Variants in SDK1 observed in about 807,000 individuals in gnomAD.
SDK1 encodes sidekick cell adhesion molecule 1.
In SDK1, 157 loss-of-function variants were observed where a neutral mutation model predicts 245.5. The ratio of observed to expected loss-of-function variants is 0.64; its 90% CI spans 0.56 to 0.73. The LOEUF (loss-of-function observed/expected upper bound fraction) is 0.73. Ranked by LOEUF, SDK1 falls within the 30% of genes least tolerant of loss-of-function variation. The pLI, the probability that SDK1 is intolerant of heterozygous loss-of-function variation, is 0.00. For synonymous variants in SDK1, 1,647 were observed against 1,278.5 expected (o/e 1.29, Z -6.15); for missense variants, 3,583 against 3,002.3 (o/e 1.19, Z -4.52).
intron 28 of SDK1, among the ~76,000 whole-genome samples, chr7:4,144,180 C>G (rs1466567948): frequency 6.6e-6 from 1 of 152,084 alleles, no homozygotes. Flanking sequence ...GCCGCCGTCT[C>G]TAGGCTGCCC....
intron 1 of SDK1, among the ~76,000 whole-genome samples, chr7:3,540,267 C>T (rs1413114788): frequency 6.6e-6 from 1 of 152,324 alleles, no homozygotes; most frequent in African/African-American, 2.4e-5. Context: ...ATTAGCCAGA[C>T]ATGGTTGCAG....
chr7:4,205,753 G>A lies in SDK1; in HGVS notation c.5099-126G>A, dbSNP rs543189080. On this transcript the variant is annotated intron_variant, in intron 35 of 44. Transcript: ENST00000404826. Reference sequence around the variant, plus strand: ...CTCCTAAGCCAGGGCGACGGCCCAGGGAAGAATCTCTCACATGGTTCCCAG... The same window carrying A: ...CTCCTAAGCCAGGGCGACGGCCCAGAGAAGAATCTCTCACATGGTTCCCAG... 4.8e-4 allele frequency: 377 copies of A among 779,606 alleles called. No individual in the cohort carries two copies. In the African/African-American group the frequency reaches 6.0e-3, roughly 12 times the overall value. The allele number at this position is 779,606 out of a possible 1,614,324, so 48.3% of individuals were successfully genotyped here.
intron 35 of SDK1, among the ~76,000 whole-genome samples, chr7:4,181,386 G>A (rs1043360196): frequency 2.0e-5 from 3 of 152,242 alleles, no homozygotes; most frequent in Non-Finnish European, 4.4e-5. Context: ...AGACTTGTGA[G>A]TGTGCTGCTG....
intron 32 of SDK1, among the ~76,000 whole-genome samples, chr7:4,163,188 A>G (rs1289739281): frequency 6.6e-6 from 1 of 151,960 alleles, no homozygotes; most frequent in Admixed American, 6.6e-5. Context: ...TGGGGCCAGC[A>G]TGGGGTGGGT....
intron 1 of SDK1, among the ~76,000 whole-genome samples, chr7:3,573,381 T>A (rs189711514): frequency 6.6e-6 from 1 of 152,162 alleles, no homozygotes; most frequent in East Asian, 1.9e-4. Flanking sequence ...CAGAGCACCC[T>A]TCTCTGCTGG....
intron 1 of SDK1, among the ~76,000 whole-genome samples, chr7:3,331,648 T>A (rs1299500039): frequency 1.3e-5 from 2 of 152,230 alleles, no homozygotes; most frequent in East Asian, 1.9e-4. Context: ...TGTTGTGCTT[T>A]TGGTGTCATA....
intron 44 of SDK1, among the ~76,000 whole-genome samples, chr7:4,252,157 T>C (rs1239279498): frequency 3.3e-5 from 5 of 152,132 alleles, no homozygotes; most frequent in African/African-American, 1.2e-4. Flanking sequence ...GCTGCACCCA[T>C]TAACTTGTCA....
rs187659897 is a variant in SDK1 at position 3,393,591 on chromosome 7, G to C, written c.298+91707G>C. ...GATTATTCGCAGATCAGAATACTAC[G>C]TAGCAGTTAAAATGAATGGGCTACA... On this transcript the variant is annotated intron_variant, in intron 1 of 44. Transcript: ENST00000404826. 2.9e-4 allele frequency among the ~76,000 whole-genome samples: 44 copies of C among 152,246 alleles called. 1 individual carries two copies. The highest frequency in any genetic ancestry group is 5.7e-4 in the Non-Finnish European group (39 of 68,010).
At chr7:4,004,051 G>A (rs1785276935) in intron 14 of SDK1, among the ~76,000 whole-genome samples, 2 of 152,232 alleles carry the variant, frequency 1.3e-5, no homozygotes, top group Non-Finnish European at 2.9e-5. Flanking sequence ...CATTTCTCAT[G>A]TGGAAATGAA....
At chr7:3,728,164 G>A (rs540682482) in intron 4 of SDK1, among the ~76,000 whole-genome samples, 2 of 152,352 alleles carry the variant, frequency 1.3e-5, no homozygotes, top group African/African-American at 4.8e-5. Context: ...AGCATGGCGT[G>A]TCACTGTTGA....
At chr7:3,823,901 G>T (rs1779705761) in intron 5 of SDK1, among the ~76,000 whole-genome samples, 3 of 151,422 alleles carry the variant, frequency 2.0e-5, no homozygotes, top group South Asian at 2.1e-4. Context: ...TGACATACGG[G>T]ATTTACGTAA....
chr7:3,744,737 G>A (rs1163872348), intron 4 of SDK1, among the ~76,000 whole-genome samples: 9 of 151,784 alleles, frequency 5.9e-5, no homozygotes, highest in South Asian at 2.1e-4. Flanking sequence ...GCGTGAACCC[G>A]GGAGGTGGAG....
intron 1 of SDK1, among the ~76,000 whole-genome samples, chr7:3,522,830 G>A (rs985555557): frequency 1.3e-5 from 2 of 152,108 alleles, no homozygotes; most frequent in Non-Finnish European, 2.9e-5. Context: ...CATTTTGATG[G>A]GGGGTGAGGT....
chr7:3,720,746 G>A (rs2115028823), intron 4 of SDK1, among the ~76,000 whole-genome samples: 1 of 152,264 alleles, frequency 6.6e-6, no homozygotes, highest in South Asian at 2.1e-4. Context: ...CTGCATTCTT[G>A]GGCATATCTC....
At position 4,268,566 on chromosome 7, in the gene SDK1, G is replaced by C; in HGVS notation, c.*3182G>C. 1 of 1,338,342 alleles carries C rather than the reference G, an allele frequency of 7.5e-7. No individual in the cohort carries two copies. Among genetic ancestry groups the C allele is most frequent in the South Asian group, 1.2e-5 (1 of 82,090 alleles). 82.9% of individuals were successfully genotyped at this position (1,338,342 alleles called of 1,614,324 possible). ...ACAGCCCCGGGAGGTGGCTCACTCT[G>C]TACAGGTCTTCGGAGGCCGTGTTTG... On this transcript the variant is annotated 3_prime_UTR_variant, in exon 45 of 45. Transcript: ENST00000404826.
chr7:4,265,316 G>A lies in SDK1; in HGVS notation c.6574G>A (p.Gly2192Ser). ...CCCGGTCATCACCACGCAGAGCGCG[G>A]GCGGCGTCTACACCCCCGCTGGCCC... Reference protein sequence around the residue: ...LHPVITTQSAGGVYTPAGPGA... With the variant: ...LHPVITTQSASGVYTPAGPGA... The change falls in exon 45 of 45, where the codon GGC (glycine) becomes AGC (serine). Residue 2192 changes from glycine to serine, a missense_variant. Gly to Ser is a moderately conservative substitution (Grantham distance 56). Coordinates refer to ENST00000404826, the MANE Select transcript of SDK1 (RefSeq NM_152744.4). 2 of 1,547,254 alleles carry A rather than the reference G, an allele frequency of 1.3e-6. No individual in the cohort carries two copies. The highest frequency in any genetic ancestry group is 8.6e-7 in the Non-Finnish European group (1 of 1,156,154).
intron 19 of SDK1, among the ~76,000 whole-genome samples, chr7:4,053,825 A>G (rs1408212712): frequency 6.6e-6 from 1 of 152,176 alleles, no homozygotes; most frequent in East Asian, 1.9e-4. Flanking sequence ...AATTGATCCC[A>G]GAAGTTCTTC....
Position 3,701,924 on chromosome 7 carries a change from C to CAA in SDK1, c.713+59839_713+59840dup, listed in dbSNP as rs58687135. Among the ~76,000 whole-genome samples, 124 of 85,684 alleles carry CAA rather than the reference C, an allele frequency of 1.4e-3. 1 individual carries two copies. The highest frequency in any genetic ancestry group is 2.3e-3 in the African/African-American group (64 of 27,742). The allele number at this position is 85,684 out of a possible 152,430, so 56.2% of individuals were successfully genotyped here. A position where few individuals can be genotyped will look rare whatever the true frequency, so the allele number is the denominator to read the frequency against. On this transcript the variant is annotated intron_variant, in intron 4 of 44. Coordinates refer to ENST00000404826, the MANE Select transcript of SDK1 (RefSeq NM_152744.4). ...GCTAGAGTGGTTGGACGTGCATAAGCAAAAAAAAAAAAAAAAAAAAAGAAA... is the reference window on the plus strand; with the variant it reads ...GCTAGAGTGGTTGGACGTGCATAAGCAAAAAAAAAAAAAAAAAAAAAAAGAAA...
chr7:3,386,876 A>G (rs1781622243), intron 1 of SDK1, among the ~76,000 whole-genome samples: 1 of 152,168 alleles, frequency 6.6e-6, no homozygotes, highest in South Asian at 2.1e-4. Flanking sequence ...TAACTAACAC[A>G]AGGCTGTCAT....
Sources: gnomAD v4.1 joint callset for allele counts (sites outside exome capture counted in the v4.1 genomes callset) on GRCh38, gnomAD v4.1.1 for gene constraint, MANE v1.5 for transcripts, NCBI Gene and HGNC (gene_info 2026-07-23, HGNC 2026-07-21) for gene names.